ZFAND1: variants seen among roughly 807,000 people sequenced by gnomAD.
ZFAND1 encodes the protein zinc finger AN1-type containing 1.
In ZFAND1, 40 loss-of-function variants were observed where a neutral mutation model predicts 38.5. The observed-to-expected ratio is 1.04, with a 90% confidence interval of 0.81 to 1.35. The LOEUF (loss-of-function observed/expected upper bound fraction) is 1.35. ZFAND1 is among the 40% of genes most tolerant of loss of function. The pLI, the probability that ZFAND1 is intolerant of heterozygous loss-of-function variation, is 0.00. For synonymous variants in ZFAND1, 117 were observed against 103.6 expected (o/e 1.13, Z -0.78); for missense variants, 346 against 316.3 (o/e 1.09, Z -0.71).
In ZFAND1 at chr8:81,702,963, T is replaced by C. The variant is rs764891578; in HGVS notation, c.636+6A>G. 10 of 1,503,776 alleles carry C rather than the reference T, an allele frequency of 6.6e-6. No individual in the cohort carries two copies. The East Asian group carries it at 2.2e-4, about 33-fold the overall frequency. 93.2% of individuals were successfully genotyped at this position (1,503,776 alleles called of 1,614,324 possible). Reference sequence around the variant, plus strand: ...ATATAGAAATATTATTATAATGAGATGTTACCTTAGCTGTAAATTTGTTAT... The same window carrying C: ...ATATAGAAATATTATTATAATGAGACGTTACCTTAGCTGTAAATTTGTTAT... On this transcript the variant is annotated splice_donor_region_variant and intron_variant, in intron 7 of 7. Transcript: ENST00000220669.
At chr8:81,703,487 G>A (rs1404169509) in intron 6 of ZFAND1, among the ~76,000 whole-genome samples, 9 of 152,212 alleles carry the variant, frequency 5.9e-5, no homozygotes, top group East Asian at 1.9e-4. Flanking sequence ...GCAATGGCAC[G>A]TTCTTGGCTC....
intron 3 of ZFAND1, among the ~76,000 whole-genome samples, chr8:81,716,984 T>C (rs1265035869): frequency 6.6e-6 from 1 of 151,998 alleles, no homozygotes; most frequent in Non-Finnish European, 1.5e-5. Context: ...TAAATAAATA[T>C]ATAGCCTTAT....
intron 6 of ZFAND1, among the ~76,000 whole-genome samples, chr8:81,713,418 C>T (rs540971256): frequency 1.7e-4 from 26 of 152,094 alleles, no homozygotes; most frequent in African/African-American, 5.1e-4. Context: ...CCACCACGCC[C>T]AGCCACAATC....
intron 1 of ZFAND1, among the ~76,000 whole-genome samples, chr8:81,719,364 G>A (rs1808407382): frequency 9.9e-6 from 1 of 101,358 alleles, no homozygotes; most frequent in South Asian, 3.3e-4. Flanking sequence ...CAAATTAGCT[G>A]GGCGTGGTGG....
intron 6 of ZFAND1, among the ~76,000 whole-genome samples, chr8:81,711,454 T>C (rs1808139439): frequency 6.6e-6 from 1 of 151,990 alleles, no homozygotes; most frequent in East Asian, 1.9e-4. Flanking sequence ...ATTACCATTC[T>C]ATGTGAAAGG....
intron 1 of ZFAND1, among the ~76,000 whole-genome samples, chr8:81,719,244 G>T (rs540106369): frequency 1.3e-5 from 2 of 151,090 alleles, no homozygotes; most frequent in African/African-American, 4.9e-5. Context: ...CGAGGGGGGC[G>T]GATCACCTGA....
At position 81,702,859 on chromosome 8, in the gene ZFAND1, T is replaced by C; in HGVS notation, c.643A>G (p.Arg215Gly). ...DNNKFTAKKL[R>G]LCHITSGEAL... ...TCTCCTGAAGTAATGTGACACAGCC[T>C]TAATTTCTGTGAAGGGAGAAGTAAG... Residue 215 changes from arginine (R) to glycine (G), a missense_variant, in exon 8 of 8, where the codon AGG becomes GGG. Transcript: ENST00000220669. 1 of 1,584,356 alleles carries C rather than the reference T, an allele frequency of 6.3e-7. No homozygotes were observed. Among genetic ancestry groups the C allele is most frequent in the Admixed American group, 1.9e-5 (1 of 53,530 alleles).
intron 1 of ZFAND1, 70 bp downstream of exon 1, chr8:81,721,157 C>T: frequency 6.5e-7 from 1 of 1,533,218 alleles, no homozygotes; most frequent in Non-Finnish European, 8.8e-7. Context: ...CCGCCGCCAC[C>T]ATCCGCGGAG....
intron 6 of ZFAND1, among the ~76,000 whole-genome samples, chr8:81,713,190 T>G (rs963244336): frequency 6.6e-6 from 1 of 152,168 alleles, no homozygotes; most frequent in Non-Finnish European, 1.5e-5. Context: ...TGGTGCAATC[T>G]CAGCTCACTG....
intron 6 of ZFAND1, among the ~76,000 whole-genome samples, chr8:81,711,227 C>T (rs1341638029): frequency 3.3e-5 from 5 of 152,042 alleles, no homozygotes; most frequent in South Asian, 2.1e-4. Flanking sequence ...GCCTGACCAA[C>T]GTGGTGAAAT....
chr8:81,713,406 A>T (rs1808202026), intron 6 of ZFAND1, among the ~76,000 whole-genome samples: 1 of 152,184 alleles, frequency 6.6e-6, no homozygotes, highest in Non-Finnish European at 1.5e-5. Flanking sequence ...TACAGGTGTG[A>T]GCCACCACGC....
At chr8:81,710,735 A>G (rs1188037669) in intron 6 of ZFAND1, among the ~76,000 whole-genome samples, 11 of 152,220 alleles carry the variant, frequency 7.2e-5, no homozygotes, top group Admixed American at 7.2e-4. Flanking sequence ...CAATATTATA[A>G]TTCAAAATAG....
Position 81,703,084 on chromosome 8 carries a change from C to G in ZFAND1, c.521G>C (p.Ser174Thr). ...IYFQVFLPKGSKEKSKPMFFC... is the reference protein window; with the variant it reads ...IYFQVFLPKGTKEKSKPMFFC... ...GAACATTGGTTTGCTCTTCTCTTTG[C>G]TCCCTTTAGGTAAGAAAACCTGAAA... Residue 174 changes from serine to threonine, a missense_variant, in exon 7 of 8, where the codon AGC becomes ACC. Transcript: ENST00000220669. 5 of 1,568,672 alleles carry G rather than the reference C, an allele frequency of 3.2e-6. No individual in the cohort carries two copies. The highest frequency in any genetic ancestry group is 4.3e-6 in the Non-Finnish European group (5 of 1,152,280).
At chr8:81,702,911 G>C (rs753295294) in intron 7 of ZFAND1, 46 bp from the exon 8 acceptor site, 2 of 1,535,950 alleles carry the variant, frequency 1.3e-6, no homozygotes, top group African/African-American at 2.8e-5. Context: ...AAACATGCTT[G>C]AATGGAGCAT....
At chr8:81,705,862 G>A (rs1299027882) in intron 6 of ZFAND1, among the ~76,000 whole-genome samples, 1 of 152,212 alleles carries the variant, frequency 6.6e-6, no homozygotes, top group East Asian at 1.9e-4. Context: ...AGGCTGTAGT[G>A]AGCCGAGACT....
chr8:81,713,776 T>C (rs1808213824), intron 6 of ZFAND1, 142 bp downstream of exon 6: 1 of 761,650 alleles, frequency 1.3e-6, no homozygotes, highest in African/African-American at 1.8e-5. Flanking sequence ...CTTTGTATTA[T>C]TTATGCAGAC....
At chr8:81,713,634 C>A (rs947095020) in intron 6 of ZFAND1, among the ~76,000 whole-genome samples, 2 of 151,884 alleles carry the variant, frequency 1.3e-5, no homozygotes, top group Admixed American at 1.3e-4. Context: ...TGAAAAAAAT[C>A]CGAATTTTGT....
intron 1 of ZFAND1, among the ~76,000 whole-genome samples, chr8:81,718,935 A>AGACAG (rs1465176302): frequency 6.6e-6 from 1 of 151,970 alleles, no homozygotes; most frequent in African/African-American, 2.4e-5. Flanking sequence ...AGAAAGATAT[A>AGACAG]GACAGGTAGA....
chr8:81,704,705 G>GTTCTCA (rs1807922708), intron 6 of ZFAND1, among the ~76,000 whole-genome samples: 1 of 152,060 alleles, frequency 6.6e-6, no homozygotes, highest in African/African-American at 2.4e-5. Flanking sequence ...AACTTGTGGG[G>GTTCTCA]GAAAGATCAC....
Sources: gnomAD v4.1 joint callset for allele counts (sites outside exome capture counted in the v4.1 genomes callset) on GRCh38, gnomAD v4.1.1 for gene constraint, MANE v1.5 for transcripts, NCBI Gene and HGNC (gene_info 2026-07-23, HGNC 2026-07-21) for gene names.